The following EVC variants were observed in gnomAD, a reference collection of about 807,000 sequenced individuals.
EVC encodes the protein EvC ciliary complex subunit 1.
EVC carries 116 observed loss-of-function variants against 118.9 expected under a neutral mutation model. The observed-to-expected ratio is 0.98, with a 90% CI of 0.84 to 1.14. EVC has a LOEUF of 1.14. EVC is among the 50% of genes most tolerant of loss of function. The pLI, the probability that EVC is intolerant of heterozygous loss-of-function variation, is 0.00. For synonymous variants in EVC, 619 were observed against 534.7 expected (o/e 1.16, Z -2.18); for missense variants, 1,401 against 1,246.4 (o/e 1.12, Z -1.87).
At chr4:5,821,614 T>TAAAC in the EVC span, 1 of 788,844 alleles carries the variant, frequency 1.3e-6, no homozygotes, top group South Asian at 1.7e-5. This position sits in a 1 kb window ranked among gnomAD's most constrained non-coding sequence, Gnocchi z 4.4. Flanking sequence ...CACTTCTTCC[T>TAAAC]AAACAGAAAA....
At chr4:5,748,811 T>A (rs1020346209) in intron 8 of EVC, among the ~76,000 whole-genome samples, 1 of 149,930 alleles carries the variant, frequency 6.7e-6, no homozygotes, top group Non-Finnish European at 1.5e-5. Context: ...CATCCGTCTA[T>A]CCAATGAGTG....
At chr4:5,759,862 A>G (rs1671946271) in intron 11 of EVC, among the ~76,000 whole-genome samples, 5 of 152,190 alleles carry the variant, frequency 3.3e-5, no homozygotes, top group Admixed American at 3.3e-4. Context: ...CACGCGCCCA[A>G]GGGGGTCCGG....
At chr4:5,735,357 C>T (rs908891027) in intron 5 of EVC, among the ~76,000 whole-genome samples, 1 of 152,172 alleles carries the variant, frequency 6.6e-6, no homozygotes, top group Non-Finnish European at 1.5e-5. Context: ...AGGGACAGTC[C>T]TAGACCCTAG....
In EVC at chr4:5,713,822, G is replaced by GA. The variant is rs1169765065; in HGVS notation, c.174+2270dup. Among the ~76,000 whole-genome samples the GA allele has an allele frequency of 1.3e-4, 20 of 152,260 alleles. 1 individual carries two copies. The highest frequency in any genetic ancestry group is 6.8e-3 in the Middle Eastern group (2 of 294). ...GGAGGCTAAGGCAAGAGAATCGCTT[G>GA]AACCCAGGAGGTGGAGGTTGCAGTG... On this transcript the variant is annotated intron_variant, in intron 1 of 20. Transcript: ENST00000264956.
chr4:5,828,456 C>T, the EVC span: 14 of 1,602,364 alleles, frequency 8.7e-6, no homozygotes, highest in African/African-American at 1.3e-5. Context: ...TCTGGTCCCA[C>T]GGGTGGGCCC....
chr4:5,811,076 G>T lies in EVC; in HGVS notation c.*39G>T, dbSNP rs771139988. 1.6e-5 allele frequency: 25 copies of T among 1,551,330 alleles called. No homozygotes were observed. The highest frequency in any genetic ancestry group is 1.7e-4 in the Middle Eastern group (1 of 5,942). ...GGTGGGACAAGACCTGAAGCCCTGG[G>T]TCTGGGTGTGAATTCCACCTTCCCT... On this transcript the variant is annotated 3_prime_UTR_variant, in exon 21 of 21. Coordinates refer to ENST00000264956, the MANE Select transcript of EVC (RefSeq NM_153717.3).
chr4:5,719,282 A>G lies in EVC; in HGVS notation c.209A>G (p.Glu70Gly). The change falls in exon 2 of 21, where the codon GAG (glutamate) becomes GGG (glycine). Residue 70 changes from glutamate to glycine, a missense_variant. Glu to Gly is a moderately conservative substitution (Grantham distance 98, BLOSUM62 -2). Transcript: ENST00000264956. The surrounding 1 kb of genome is among the most constrained non-coding windows in gnomAD (Gnocchi z 4.7). Reference protein sequence around the residue: ...DDTQNLLKNLESNAQTPSETG... With the variant: ...DDTQNLLKNLGSNAQTPSETG... Reference sequence around the variant, plus strand: ...ACTCAAAATCTGCTCAAGAATTTGGAGTCTAATGCGCAGACCCCCTCGGAA... The same window carrying G: ...ACTCAAAATCTGCTCAAGAATTTGGGGTCTAATGCGCAGACCCCCTCGGAA... 2.5e-6 allele frequency: 4 copies of G among 1,614,140 alleles called. No individual in the cohort carries two copies. The highest frequency in any genetic ancestry group is 3.4e-6 in the Non-Finnish European group (4 of 1,180,032).
In EVC at chr4:5,801,905, A is replaced by C. The variant is rs114214189; in HGVS notation, c.2305-45A>C. 2.1e-3 allele frequency: 3,359 copies of C among 1,605,328 alleles called. 63 individuals are homozygous for C. The African/African-American group carries it at 0.04, about 19-fold the overall frequency. On this transcript the variant is annotated intron_variant, in intron 15 of 20. Coordinates refer to ENST00000264956, the MANE Select transcript of EVC (RefSeq NM_153717.3). ...ACTGGATGGGCCGTGGGTGGCTCCC[A>C]CGTGTGACTTCTCTGCTGTCCCTGT... is the stretch of plus-strand genomic sequence containing the variant.
intron 11 of EVC, among the ~76,000 whole-genome samples, chr4:5,771,072 T>C (rs1274242731): frequency 6.6e-6 from 1 of 152,004 alleles, no homozygotes; most frequent in African/African-American, 2.4e-5. Context: ...ATTCTGAAGA[T>C]GTCATATTAG....
chr4:5,778,629 C>A (rs183282921), intron 11 of EVC, among the ~76,000 whole-genome samples: 2,048 of 152,050 alleles, frequency 0.013, 41 homozygotes, highest in African/African-American at 0.037. Flanking sequence ...TTGGCTGCAT[C>A]AATGTCTTCT....
intron 1 of EVC, among the ~76,000 whole-genome samples, chr4:5,713,767 G>GTGGTGCA (rs1266428732): frequency 6.6e-6 from 1 of 151,898 alleles, no homozygotes; most frequent in East Asian, 1.9e-4. Flanking sequence ...GCCAGGTGTG[G>GTGGTGCA]TGGTGCATGC....
chr4:5,724,448 A>G (rs189856350), intron 2 of EVC, among the ~76,000 whole-genome samples: 13 of 152,278 alleles, frequency 8.5e-5, no homozygotes, highest in Non-Finnish European at 1.6e-4. Context: ...TTTAAACTTC[A>G]TGGCACTTAC....
Position 5,802,001 on chromosome 4 carries a change from G to A in EVC, c.2356G>A (p.Val786Ile). The A allele has an allele frequency of 1.2e-6, 2 of 1,614,198 alleles. No individual in the cohort carries two copies. The highest frequency in any genetic ancestry group is 1.7e-6 in the Non-Finnish European group (2 of 1,180,032). ...VESVYVTSAG[V>I]SRLVQAYYQQ... ...GAGCGTCTACGTGACCAGCGCTGGT[G>A]TCAGCCGCCTGGTGCAGGCGTATTA... The change falls in exon 16 of 21, where the codon GTC becomes ATC. Residue 786 changes from valine (V) to isoleucine (I), a missense_variant. Val to Ile is a conservative substitution (Grantham distance 29). Transcript: ENST00000264956.
chr4:5,747,111 G>A (rs896156599), intron 7 of EVC, among the ~76,000 whole-genome samples: 1 of 152,088 alleles, frequency 6.6e-6, no homozygotes, highest in South Asian at 2.1e-4. Flanking sequence ...GGGGTTTACT[G>A]GGAGGCAATG....
chr4:5,767,625 G>A (rs200576131), intron 11 of EVC, among the ~76,000 whole-genome samples: 38,059 of 149,716 alleles, frequency 0.25, 5,146 homozygotes, highest in East Asian at 0.31. Flanking sequence ...TAAGCCCGTC[G>A]GAAAAGCACA....
At chr4:5,714,065 T>G (rs943633158) in intron 1 of EVC, among the ~76,000 whole-genome samples, 2 of 152,222 alleles carry the variant, frequency 1.3e-5, no homozygotes, top group Non-Finnish European at 2.9e-5. Context: ...CGTACACCTC[T>G]GCACTTCTGC....
chr4:5,827,725 G>A, the EVC span, among the ~76,000 whole-genome samples: 1 of 126,084 alleles, frequency 7.9e-6, no homozygotes, highest in South Asian at 2.4e-4. Context: ...ATACACACAT[G>A]TGCGCGTGCA....
chr4:5,773,603 T>A (rs1266376641), intron 11 of EVC, among the ~76,000 whole-genome samples: 1 of 152,120 alleles, frequency 6.6e-6, no homozygotes, highest in East Asian at 1.9e-4. Flanking sequence ...GGAGAGAGAC[T>A]GGGAGGCGGT....
chr4:5,714,424 CTCTT>C (rs140302568), intron 1 of EVC, among the ~76,000 whole-genome samples: 5,152 of 152,066 alleles, frequency 0.034, 268 homozygotes, highest in African/African-American at 0.12. Context: ...GCCTTGTTAA[CTCTT>C]TCAGCTGATT....
Sources: allele counts gnomAD v4.1 joint callset (sites outside exome capture counted in the v4.1 genomes callset), GRCh38; gene constraint gnomAD v4.1.1; non-coding constraint Gnocchi (gnomAD v3.1); transcripts MANE v1.5; gene names NCBI Gene and HGNC (gene_info 2026-07-23, HGNC 2026-07-21).